MPHOSPH8: variants seen among roughly 807,000 people sequenced by gnomAD.
MPHOSPH8 encodes M-phase phosphoprotein, mpp.
In MPHOSPH8, 45 loss-of-function variants were observed where a neutral mutation model predicts 87.3. That is an observed-to-expected ratio of 0.52 (90% CI 0.41 to 0.66). The LOEUF is 0.66. Ranked by LOEUF, MPHOSPH8 falls within the 30% of genes least tolerant of loss-of-function variation. The pLI, the probability that MPHOSPH8 is intolerant of heterozygous loss-of-function variation, is 0.00. For missense variants in MPHOSPH8, 883 were observed against 1,020.2 expected (o/e 0.87, Z 1.83); for synonymous variants, 366 against 376.9 (o/e 0.97, Z 0.33).
chr13:19,670,416 A>G, intron 12 of MPHOSPH8, 53 bp downstream of exon 12: 1 of 1,555,086 alleles, frequency 6.4e-7, no homozygotes, highest in Non-Finnish European at 8.8e-7. Context: ...AATCAAAAGC[A>G]CAGATGACTT....
intron 10 of MPHOSPH8, among the ~76,000 whole-genome samples, chr13:19,667,537 G>T: frequency 6.6e-6 from 1 of 150,694 alleles, no homozygotes; most frequent in Non-Finnish European, 1.5e-5. Context: ...CCCTCCCCCA[G>T]CCCCTGACAA....
intron 12 of MPHOSPH8, among the ~76,000 whole-genome samples, chr13:19,670,585 ACTGT>A: frequency 6.6e-6 from 1 of 152,270 alleles, no homozygotes; most frequent in Non-Finnish European, 1.5e-5. Flanking sequence ...TGCTCACCAT[ACTGT>A]CTTAGGGCCA....
chr13:19,671,264 G>A lies in MPHOSPH8; in HGVS notation c.2516G>A (p.Arg839Lys). 5 of 1,613,798 alleles carry A rather than the reference G, an allele frequency of 3.1e-6. No individual in the cohort carries two copies. Among genetic ancestry groups the A allele is most frequent in the Non-Finnish European group, 4.2e-6 (5 of 1,179,898 alleles). Residue 839 changes from arginine to lysine, a missense_variant, in exon 13 of 14, where the codon AGG (arginine) becomes AAG (lysine). Physicochemically the swap from Arg to Lys is conservative, Grantham distance 26. Transcript: ENST00000361479. ...PVAGPNKLFIRLTEAPSAKVK... is the reference protein window; with the variant it reads ...PVAGPNKLFIKLTEAPSAKVK... ...GCAGGTCCCAATAAACTCTTCATAA[G>A]GTTGACAGAAGCACCCTCTGCCAAG...
chr13:19,665,509 G>A (rs1022381902), intron 9 of MPHOSPH8, among the ~76,000 whole-genome samples: 4 of 119,322 alleles, frequency 3.4e-5, no homozygotes, highest in African/African-American at 1.2e-4. Flanking sequence ...GCCTGTCCTG[G>A]ACGGCGTCCC....
chr13:19,636,531 T>C (rs186054891), intron 1 of MPHOSPH8, among the ~76,000 whole-genome samples: 145 of 151,674 alleles, frequency 9.6e-4, no homozygotes, highest in Middle Eastern at 6.8e-3. Context: ...CAGGCTGGAG[T>C]GCATTGGCAT....
chr13:19,654,393 G>T lies in MPHOSPH8; in HGVS notation c.1576+4133G>T, dbSNP rs376509844. ...CCTGATGTAGATGACAGGATGAGGGGTGCAGCAAACTGCCATGGCACGTGT... is the reference window on the plus strand; with the variant it reads ...CCTGATGTAGATGACAGGATGAGGGTTGCAGCAAACTGCCATGGCACGTGT... On this transcript the variant is annotated intron_variant, in intron 5 of 13. Coordinates refer to ENST00000361479, the MANE Select transcript of MPHOSPH8 (RefSeq NM_017520.4). Among the ~76,000 whole-genome samples the T allele has an allele frequency of 9.2e-5, 14 of 152,242 alleles. No homozygotes were observed. In the East Asian group the frequency reaches 2.5e-3, roughly 27 times the overall value.
chr13:19,637,497 A>G (rs1169919314), intron 1 of MPHOSPH8, among the ~76,000 whole-genome samples: 1 of 152,024 alleles, frequency 6.6e-6, no homozygotes, highest in African/African-American at 2.4e-5. Flanking sequence ...CACTATTTTT[A>G]TGCACACACA....
At chr13:19,664,075 C>T (rs1403059095) in intron 9 of MPHOSPH8, among the ~76,000 whole-genome samples, 3 of 152,080 alleles carry the variant, frequency 2.0e-5, no homozygotes, top group Non-Finnish European at 4.4e-5. Flanking sequence ...CCTTGGCTTC[C>T]AGAGCTCAAG....
intron 12 of MPHOSPH8, 58 bp from the exon 13 acceptor site, chr13:19,671,148 T>C: frequency 1.9e-6 from 3 of 1,585,520 alleles, no homozygotes; most frequent in Non-Finnish European, 2.6e-6. Context: ...ATTGGTGTTT[T>C]AAGGGCTTCT....
chr13:19,633,663 T>A lies in MPHOSPH8; in HGVS notation c.-86T>A. ...GTCGGCTTCCGTTACGCCGCTGATG[T>A]GGAGTAGGGCCGAGCGCGGAACGCG... On this transcript the variant is annotated 5_prime_UTR_variant, in exon 1 of 14. Transcript: ENST00000361479. 7.0e-7 allele frequency: 1 copy of A among 1,420,392 alleles called. No homozygotes were observed. Among genetic ancestry groups the A allele is most frequent in the South Asian group, 1.2e-5 (1 of 80,854 alleles). The allele number at this position is 1,420,392 out of a possible 1,614,324, so 88.0% of individuals were successfully genotyped here.
chr13:19,668,101 T>C (rs1464737272), intron 10 of MPHOSPH8, among the ~76,000 whole-genome samples: 2 of 152,212 alleles, frequency 1.3e-5, no homozygotes, highest in African/African-American at 4.8e-5. Context: ...GTATTAAGCA[T>C]AGACTTTGTG....
chr13:19,646,414 A>G, intron 2 of MPHOSPH8, 29 bp from the exon 3 acceptor site: 2 of 1,373,938 alleles, frequency 1.5e-6, no homozygotes, highest in Non-Finnish European at 1.9e-6. Flanking sequence ...TATGTTAATG[A>G]ATATTTTAAT....
intron 12 of MPHOSPH8, among the ~76,000 whole-genome samples, chr13:19,670,629 T>G (rs181131562): frequency 1.3e-5 from 2 of 152,010 alleles, no homozygotes; most frequent in Admixed American, 1.3e-4. Context: ...TACTTAATGA[T>G]CTCAAAGATT....
intron 10 of MPHOSPH8, among the ~76,000 whole-genome samples, chr13:19,667,810 A>G (rs898145): frequency 0.011 from 1,716 of 152,306 alleles, 33 homozygotes; most frequent in African/African-American, 0.038. Flanking sequence ...TTATAACACA[A>G]TTTAGTATTT....
rs1874613103 is a variant in MPHOSPH8, at chr13:19,647,154, A to G, written c.1081A>G (p.Lys361Glu). The G allele has an allele frequency of 6.2e-7, 1 of 1,614,156 alleles. No homozygotes were observed. Among genetic ancestry groups the G allele is most frequent in the South Asian group, 1.1e-5 (1 of 91,076 alleles). The change falls in exon 3 of 14, where the codon AAA (lysine) becomes GAA (glutamate). Residue 361 changes from lysine to glutamate, a missense_variant. Physicochemically the swap from Lys to Glu is moderately conservative, Grantham distance 56 (BLOSUM62 1). Transcript: ENST00000361479. ...NAFLEKKTVP[K>E]KQRNQDRSKS... ...TTTCTTAGAGAAGAAAACTGTGCCT[A>G]AAAAGCAGAGGAATCAAGACAGAAG...
At chr13:19,640,960 TA>T (rs1436202390) in intron 1 of MPHOSPH8, among the ~76,000 whole-genome samples, 1 of 152,214 alleles carries the variant, frequency 6.6e-6, no homozygotes, top group African/African-American at 2.4e-5. Context: ...AAAAACATTC[TA>T]AATATGTATT....
chr13:19,658,581 A>G (rs1875334714), intron 5 of MPHOSPH8, among the ~76,000 whole-genome samples: 1 of 152,188 alleles, frequency 6.6e-6, no homozygotes, highest in African/African-American at 2.4e-5. Context: ...ATGCTGGGAT[A>G]GCTCACATGC....
At position 19,646,925 on chromosome 13, in the gene MPHOSPH8, C is replaced by T. The variant is rs757630608; in HGVS notation, c.852C>T (p.Ser284=). The T allele has an allele frequency of 4.3e-5, 69 of 1,599,000 alleles. No individual in the cohort carries two copies. Among genetic ancestry groups the T allele is most frequent in the Non-Finnish European group, 5.4e-5 (63 of 1,176,542 alleles). The stretch of plus-strand genomic sequence containing the variant: ...AGGATGACAGTGAAGGGCTACATTC[C>T]GACAGCAGAGAAGAGAAACAAAACA... ...FPEDDSEGLH[S]DSREEKQNTK... is the part of the protein sequence containing the mutation. Residue 284 remains serine, a synonymous_variant, in exon 3 of 14, where the codon TCC becomes TCT. Transcript: ENST00000361479.
Position 19,646,542 on chromosome 13 carries a change from T to C in MPHOSPH8, c.469T>C (p.Leu157=). 6.4e-7 allele frequency: 1 copy of C among 1,572,422 alleles called. No individual in the cohort carries two copies. The highest frequency in any genetic ancestry group is 2.1e-5 in the Admixed American group (1 of 46,710). Residue 157 remains leucine (L), a synonymous_variant, in exon 3 of 14, where the codon TTG becomes CTG. Transcript: ENST00000361479. ...TTCCCCAAAGAAGAAAAAGAAAAAATTGAGGCAGAGAGAAGAGAAAAGCCC... is the reference window on the plus strand; with the variant it reads ...TTCCCCAAAGAAGAAAAAGAAAAAACTGAGGCAGAGAGAAGAGAAAAGCCC... The part of the protein sequence containing the change: ...DTSPKKKKKK[L]RQREEKSPDD...
Sources: gnomAD v4.1 joint callset for allele counts (sites outside exome capture counted in the v4.1 genomes callset) on GRCh38, gnomAD v4.1.1 for gene constraint, MANE v1.5 for transcripts, NCBI Gene and HGNC (gene_info 2026-07-23, HGNC 2026-07-21) for gene names.